Variants in CEP63 observed in about 807,000 individuals in gnomAD.
CEP63 encodes the protein centrosomal protein of 63 kDa.
A neutral mutation model predicts 89.1 loss-of-function variants in CEP63; 84 were observed. The observed-to-expected ratio is 0.94, with a 90% confidence interval of 0.79 to 1.13. The LOEUF (loss-of-function observed/expected upper bound fraction) is 1.13. CEP63 is among the 50% of genes most tolerant of loss of function. The pLI, the probability that CEP63 is intolerant of heterozygous loss-of-function variation, is 0.00. For synonymous variants in CEP63, 267 were observed against 272.5 expected, an observed-to-expected ratio of 0.98 and a Z score of 0.20; for missense variants, 838 against 813.3, an observed-to-expected ratio of 1.03 and a Z score of -0.37.
At chr3:134,643,514 C>T in the CEP63 span, 1 of 665,786 alleles carries the variant, frequency 1.5e-6, no homozygotes, top group Non-Finnish European at 2.7e-6. Context: ...TGTGTGCACA[C>T]CCTCACAGTG....
intron 3 of CEP63, among the ~76,000 whole-genome samples, chr3:134,520,313 C>A (rs985113342): frequency 6.6e-6 from 1 of 152,046 alleles, no homozygotes; most frequent in East Asian, 1.9e-4. Flanking sequence ...AAAAAAGATA[C>A]CCTTGACAAG....
intron 2 of CEP63, among the ~76,000 whole-genome samples, chr3:134,496,431 A>AGG (rs58740020): frequency 0.026 from 3,729 of 144,934 alleles, 148 homozygotes; most frequent in African/African-American, 0.075. Flanking sequence ...TAGAAAAAAA[A>AGG]GGGGGGGGGG....
Position 134,551,975 on chromosome 3 carries a change from C to A in CEP63, c.1430C>A (p.Ser477Tyr). ...CTCAAATTAGAAAATCGTCATCTTT[C>A]TGAAATGGTGATGAAATTGGAATTG... ...ESLKLENRHL[S>Y]EMVMKLELGL... The change falls in exon 12 of 15, where the codon TCT (serine) becomes TAT (tyrosine). Residue 477 changes from serine to tyrosine, a missense_variant. Physicochemically the swap from Ser to Tyr is moderately radical, Grantham distance 144 (BLOSUM62 -2). Coordinates refer to ENST00000675561, the MANE Select transcript of CEP63 (RefSeq NM_001353108.3). The A allele has an allele frequency of 6.2e-7, 1 of 1,607,210 alleles. No homozygotes were observed. The highest frequency in any genetic ancestry group is 1.1e-5 in the South Asian group (1 of 90,414).
intron 9 of CEP63, among the ~76,000 whole-genome samples, chr3:134,548,754 A>G (rs1347996231): frequency 1.3e-5 from 2 of 152,208 alleles, no homozygotes; most frequent in Non-Finnish European, 1.5e-5. Context: ...ATACACACAC[A>G]TATTTTCTGC....
chr3:134,769,947 G>A, the CEP63 span, among the ~76,000 whole-genome samples: 1 of 152,250 alleles, frequency 6.6e-6, no homozygotes, highest in African/African-American at 2.4e-5. Flanking sequence ...CTGAGACTGG[G>A]AGATCTCTAT....
At chr3:134,678,333 C>G in the CEP63 span, among the ~76,000 whole-genome samples, 8,001 of 152,222 alleles carry the variant, frequency 0.053, 277 homozygotes, top group Middle Eastern at 0.099. Flanking sequence ...CCTCTCTGTA[C>G]CCCCACCCAG....
At chr3:134,681,992 GA>G in the CEP63 span, among the ~76,000 whole-genome samples, 1 of 152,200 alleles carries the variant, frequency 6.6e-6, no homozygotes, top group East Asian at 1.9e-4. Context: ...GCCATCTGAA[GA>G]GTTTGTGCCT....
At chr3:134,493,834 A>C (rs1394407806) in intron 1 of CEP63, among the ~76,000 whole-genome samples, 1 of 152,216 alleles carries the variant, frequency 6.6e-6, no homozygotes, top group Non-Finnish European at 1.5e-5. Context: ...TGAGTAAAAT[A>C]ATCTACTTCT....
At chr3:134,722,321 A>ATAGTATT in the CEP63 span, among the ~76,000 whole-genome samples, 1 of 148,842 alleles carries the variant, frequency 6.7e-6, no homozygotes, top group South Asian at 2.1e-4. Flanking sequence ...TATATACAGT[A>ATAGTATT]CAGTATTCTC....
the CEP63 span, among the ~76,000 whole-genome samples, chr3:134,676,184 C>T: frequency 1.3e-5 from 2 of 152,060 alleles, no homozygotes; most frequent in Admixed American, 6.5e-5. Flanking sequence ...ACCTAGATGC[C>T]CATCAACTGA....
intron 12 of CEP63, among the ~76,000 whole-genome samples, chr3:134,555,654 C>T (rs1955991576): frequency 6.6e-6 from 1 of 152,136 alleles, no homozygotes; most frequent in South Asian, 2.1e-4. Flanking sequence ...ACATCCCATG[C>T]TCATGGGTAG....
the CEP63 span, among the ~76,000 whole-genome samples, chr3:134,665,636 G>C: frequency 6.6e-6 from 1 of 151,442 alleles, no homozygotes; most frequent in Non-Finnish European, 1.5e-5. Flanking sequence ...GGGGAAGAGA[G>C]AGAGGGGAAA....
the CEP63 span, chr3:134,647,442 G>A: frequency 3.1e-6 from 5 of 1,608,592 alleles, no homozygotes; most frequent in Non-Finnish European, 4.3e-6. Context: ...TACCGTGAAA[G>A]TCATTTCCTT....
At chr3:134,663,288 G>A in the CEP63 span, among the ~76,000 whole-genome samples, 2 of 152,142 alleles carry the variant, frequency 1.3e-5, no homozygotes, top group African/African-American at 2.4e-5. Context: ...ATTGACAGTC[G>A]CTGTCCCATG....
downstream of CEP63, among the ~76,000 whole-genome samples, chr3:134,579,949 C>T (rs1958305090): frequency 6.6e-6 from 1 of 152,088 alleles, no homozygotes. Flanking sequence ...CCTGTAATCC[C>T]AGCACTTTGG....
At chr3:134,754,349 CA>C in the CEP63 span, among the ~76,000 whole-genome samples, 1 of 152,198 alleles carries the variant, frequency 6.6e-6, no homozygotes, top group African/African-American at 2.4e-5. Flanking sequence ...GGAATCTACT[CA>C]GAAGGCCAGC....
At chr3:134,503,834 T>G (rs921995206) in intron 2 of CEP63, among the ~76,000 whole-genome samples, 4 of 34,498 alleles carry the variant, frequency 1.2e-4, no homozygotes, top group African/African-American at 3.3e-4. Flanking sequence ...CTCCTGCATG[T>G]TTTTGGTTTC....
the CEP63 span, chr3:134,603,279 A>T: frequency 4.9e-5 from 13 of 263,826 alleles, no homozygotes; most frequent in African/African-American, 2.9e-4. Context: ...CAGCAGCAGC[A>T]CTAATACGAG....
At chr3:134,678,817 A>G in the CEP63 span, among the ~76,000 whole-genome samples, 1 of 151,318 alleles carries the variant, frequency 6.6e-6, no homozygotes, top group Non-Finnish European at 1.5e-5. Flanking sequence ...CTGCTCATGC[A>G]CCCCCTCCAC....
Sources: allele counts gnomAD v4.1 joint callset (sites outside exome capture counted in the v4.1 genomes callset), GRCh38; gene constraint gnomAD v4.1.1; transcripts MANE v1.5; gene names NCBI Gene and HGNC (gene_info 2026-07-23, HGNC 2026-07-21).